The following BRCA1 variants were observed in gnomAD, a reference collection of about 807,000 sequenced individuals.
BRCA1 encodes the protein breast cancer type 1 susceptibility protein.
Under a neutral mutation model 173.7 loss-of-function variants are expected in BRCA1, and 140 were observed. The observed-to-expected ratio is 0.81, with a 90% CI of 0.70 to 0.93. The LOEUF is 0.93. Ranked by LOEUF, BRCA1 falls within the 40% of genes least tolerant of loss-of-function variation. The pLI is 0.00. For missense variants in BRCA1, 1,983 were observed against 2,172.5 expected, an observed-to-expected ratio of 0.91 and a Z score of 1.73; for synonymous variants, 662 against 756.0, an observed-to-expected ratio of 0.88 and a Z score of 2.04.
At chr17:43,085,346 CAA>C (rs1323151742) in intron 11 of BRCA1, among the ~76,000 whole-genome samples, 1 of 150,086 alleles carries the variant, frequency 6.7e-6, no homozygotes, top group African/African-American at 2.5e-5. Flanking sequence ...GGCAACAGAG[CAA>C]AACTCTGTCT....
chr17:43,134,434 G>A (rs1355009356), intron 1 of BRCA1, among the ~76,000 whole-genome samples: 2 of 152,102 alleles, frequency 1.3e-5, no homozygotes, highest in Non-Finnish European at 2.9e-5. Context: ...CACAGCTCCA[G>A]CACACAGCAG....
chr17:43,100,799 T>G (rs2054439821), intron 6 of BRCA1, among the ~76,000 whole-genome samples: 1 of 144,588 alleles, frequency 6.9e-6, no homozygotes, highest in African/African-American at 2.6e-5. Flanking sequence ...TGGCGTGATC[T>G]CGGCACACTG....
chr17:43,110,595 A>AAG, intron 3 of BRCA1: 1 of 408,850 alleles, frequency 2.4e-6, no homozygotes, highest in Non-Finnish European at 4.8e-6. Flanking sequence ...CTCAAAAAAA[A>AAG]AAAAAAAAAG....
chr17:43,111,978 C>G (rs1298636481), intron 3 of BRCA1, among the ~76,000 whole-genome samples: 2 of 152,246 alleles, frequency 1.3e-5, no homozygotes, highest in Admixed American at 1.3e-4. Context: ...ATGGGGGTAT[C>G]GCTCCCAGGC....
chr17:43,112,591 C>T (rs1263596513), intron 3 of BRCA1: 2 of 152,058 alleles, frequency 1.3e-5, no homozygotes, highest in Non-Finnish European at 2.9e-5. Context: ...GCCTGGGTGT[C>T]AGAGGGAGAC....
At chr17:43,154,930 TTAA>T (rs2056187347) in intron 1 of BRCA1, among the ~76,000 whole-genome samples, 1 of 152,094 alleles carries the variant, frequency 6.6e-6, no homozygotes, top group Non-Finnish European at 1.5e-5. Flanking sequence ...AGAGGACAGC[TTAA>T]TAATGTAAAG....
At chr17:43,048,426 C>T (rs1597800387) in intron 21 of BRCA1, among the ~76,000 whole-genome samples, 1 of 152,018 alleles carries the variant, frequency 6.6e-6, no homozygotes, top group African/African-American at 2.4e-5. Context: ...AGGATGGTCT[C>T]GATCTCTTGA....
intron 3 of BRCA1, among the ~76,000 whole-genome samples, chr17:43,111,100 C>CA (rs368128956): frequency 0.29 from 33,075 of 113,806 alleles, 4,191 homozygotes; most frequent in South Asian, 0.48. Flanking sequence ...GACTCCATCT[C>CA]AAAAAAAAAA....
intron 1 of BRCA1, among the ~76,000 whole-genome samples, chr17:43,145,577 C>G (rs375715806): frequency 6.6e-6 from 1 of 152,150 alleles, no homozygotes; most frequent in East Asian, 1.9e-4. Context: ...CCGCCCGCCT[C>G]GGCCTCCCAA....
chr17:43,130,692 C>T (rs2055957999), intron 1 of BRCA1, among the ~76,000 whole-genome samples: 2 of 152,112 alleles, frequency 1.3e-5, no homozygotes, highest in Admixed American at 6.6e-5. Context: ...CTTATGGTAA[C>T]ACTGTGAGAT....
chr17:43,122,285 A>G (rs949558568), intron 2 of BRCA1, among the ~76,000 whole-genome samples: 6 of 152,186 alleles, frequency 3.9e-5, no homozygotes, highest in African/African-American at 1.4e-4. Context: ...AATGTTACTC[A>G]CTACTAACCA....
intron 11 of BRCA1, 51 bp from the exon 12 acceptor site, chr17:43,082,626 T>C (rs771246729): frequency 6.3e-7 from 1 of 1,583,648 alleles, no homozygotes; most frequent in East Asian, 2.2e-5. Flanking sequence ...TGAGAAGCTT[T>C]CCATTAAATG....
At chr17:43,151,276 T>C (rs2056159899) in intron 1 of BRCA1, among the ~76,000 whole-genome samples, 1 of 152,198 alleles carries the variant, frequency 6.6e-6, no homozygotes, top group African/African-American at 2.4e-5. Flanking sequence ...AGCTACATAA[T>C]ACTCCATCAA....
intron 1 of BRCA1, among the ~76,000 whole-genome samples, chr17:43,152,015 C>T (rs1016213458): frequency 6.6e-6 from 1 of 152,182 alleles, no homozygotes; most frequent in African/African-American, 2.4e-5. Flanking sequence ...AAATAACACC[C>T]TGGAATAGGT....
At chr17:43,065,034 G>A (rs1440783883) in intron 16 of BRCA1, among the ~76,000 whole-genome samples, 1 of 151,946 alleles carries the variant, frequency 6.6e-6, no homozygotes, top group Admixed American at 6.6e-5. Flanking sequence ...GTTTCACCGT[G>A]TTAGCCAGGA....
In BRCA1 at chr17:43,169,787, T is replaced by C; in HGVS notation, c.-20+339A>G. The C allele has an allele frequency of 1.2e-5, 3 of 243,242 alleles. No homozygotes were observed. In the South Asian group the frequency reaches 1.2e-4, roughly 10 times the overall value. The allele number at this position is 243,242 out of a possible 1,614,324, so 15.1% of individuals were successfully genotyped here. A position where few individuals can be genotyped will look rare whatever the true frequency, so the allele number is the denominator to read the frequency against. ...CCCAGAGCAGAGGGTGCAGGCCTCC[T>C]GAGCCCAGGGGCCCAGTTATCTGAG... On this transcript the variant is annotated intron_variant, in intron 1 of 7. Transcript: ENST00000634433.
chr17:43,161,715 AG>A (rs2056236926), intron 1 of BRCA1: 1 of 152,112 alleles, frequency 6.6e-6, no homozygotes, highest in African/African-American at 2.4e-5. Context: ...CTAATGATTG[AG>A]GCTTTTAGGA....
At chr17:43,120,801 C>T (rs1168138142) in intron 2 of BRCA1, among the ~76,000 whole-genome samples, 2 of 151,600 alleles carry the variant, frequency 1.3e-5, no homozygotes, top group East Asian at 3.9e-4. Flanking sequence ...TTAAGCCAGG[C>T]GCAGTGGCTC....
intron 9 of BRCA1, 25 bp downstream of exon 9, chr17:43,095,821 T>C (rs1201105473): frequency 4.4e-6 from 7 of 1,588,084 alleles, no homozygotes; most frequent in Non-Finnish European, 6.0e-6. Context: ...TCAGTGCCTG[T>C]TAAGTTGGCA....
Sources: gnomAD v4.1 joint callset for allele counts (sites outside exome capture counted in the v4.1 genomes callset) on GRCh38, gnomAD v4.1.1 for gene constraint, MANE v1.5 for transcripts, NCBI Gene and HGNC (gene_info 2026-07-23, HGNC 2026-07-21) for gene names.